The following SEC23A variants were observed in gnomAD, a reference collection of about 807,000 sequenced individuals.
SEC23A encodes the protein protein transport protein Sec23A.
In SEC23A, 56 loss-of-function variants were observed where a neutral mutation model predicts 103.7. That is an observed-to-expected ratio of 0.54 (90% CI 0.44 to 0.67). SEC23A has a LOEUF of 0.67. Ranked by LOEUF, SEC23A falls within the 30% of genes least tolerant of loss-of-function variation. The pLI is 0.00. For synonymous variants in SEC23A, 281 were observed against 293.0 expected (o/e 0.96, Z 0.42); for missense variants, 784 against 936.4 (o/e 0.84, Z 2.12).
intron 15 of SEC23A, chr14:39,047,298 G>T: frequency 1.3e-6 from 1 of 796,634 alleles, no homozygotes; most frequent in Non-Finnish European, 1.8e-6. Flanking sequence ...AAATACTTAG[G>T]CTAATGCCCT....
chr14:39,074,834 G>A (rs1385141761), intron 8 of SEC23A, among the ~76,000 whole-genome samples: 5 of 152,190 alleles, frequency 3.3e-5, no homozygotes, highest in South Asian at 2.1e-4. Flanking sequence ...CAGGCTGGGC[G>A]TGGTGGCTCA....
intron 18 of SEC23A, 142 bp downstream of exon 18, chr14:39,040,590 T>C (rs570637811): frequency 4.4e-5 from 45 of 1,030,802 alleles, no homozygotes; most frequent in Admixed American, 1.1e-4. Context: ...ATGCAAAAAG[T>C]AAGCACTGAT....
chr14:39,039,657 T>A (rs577147619), intron 18 of SEC23A: 1 of 153,666 alleles, frequency 6.5e-6, no homozygotes, highest in East Asian at 1.9e-4. Context: ...TTTTAACTCA[T>A]AATGGAAGCA....
chr14:39,100,416 C>CTT (rs11427769), intron 1 of SEC23A, among the ~76,000 whole-genome samples: 1,765 of 143,748 alleles, frequency 0.012, 21 homozygotes, highest in Non-Finnish European at 0.015. Context: ...GCCAACTTAA[C>CTT]TTTTTTTTTT....
intron 2 of SEC23A, among the ~76,000 whole-genome samples, chr14:39,094,633 G>A (rs570137092): frequency 6.6e-6 from 1 of 151,156 alleles, no homozygotes; most frequent in South Asian, 2.1e-4. Flanking sequence ...TGTTTAAGAG[G>A]GCTGCTTTAA....
Position 39,103,186 on chromosome 14 carries a change from C to T in SEC23A, c.-176G>A, listed in dbSNP as rs1376779042. ...GGGGTGGCGCCACCCCGCCCCGGGCCTCAGCGAAGACCTCCGCCCGGCCAA... is the reference window on the plus strand; with the variant it reads ...GGGGTGGCGCCACCCCGCCCCGGGCTTCAGCGAAGACCTCCGCCCGGCCAA... On this transcript the variant is annotated 5_prime_UTR_variant, in exon 1 of 20. Coordinates refer to ENST00000307712, the MANE Select transcript of SEC23A (RefSeq NM_006364.4). 6.6e-6 allele frequency: 1 copy of T among 152,446 alleles called. No homozygotes were observed. The highest frequency in any genetic ancestry group is 2.4e-5 in the African/African-American group (1 of 41,472). The allele number at this position is 152,446 out of a possible 1,614,324, so 9.4% of individuals were successfully genotyped here. A position where few individuals can be genotyped will look rare whatever the true frequency, so the allele number is the denominator to read the frequency against.
intron 2 of SEC23A, chr14:39,095,093 T>C (rs1161896507): frequency 1.5e-6 from 1 of 667,534 alleles, no homozygotes; most frequent in African/African-American, 1.8e-5. Context: ...CTGTGGTATC[T>C]TGAAGCAGGG....
intron 16 of SEC23A, among the ~76,000 whole-genome samples, chr14:39,044,584 C>T (rs939553046): frequency 1.3e-5 from 2 of 152,004 alleles, no homozygotes; most frequent in African/African-American, 4.8e-5. Context: ...TAAAACAGAC[C>T]ATTTTAACTA....
chr14:39,098,897 C>CAA (rs553534915), intron 1 of SEC23A, among the ~76,000 whole-genome samples: 5 of 131,392 alleles, frequency 3.8e-5, no homozygotes, highest in African/African-American at 1.4e-4. Context: ...TGTGCCATAA[C>CAA]AAAAAAAAAA....
At chr14:39,037,271 G>A (rs146417206) in intron 19 of SEC23A, among the ~76,000 whole-genome samples, 2,554 of 151,896 alleles carry the variant, frequency 0.017, 34 homozygotes, top group Non-Finnish European at 0.027. Flanking sequence ...GCTCAATAAG[G>A]CCTTCTAGAT....
chr14:39,071,850 C>T lies in SEC23A; in HGVS notation c.1103+2565G>A, dbSNP rs138418360. Among the ~76,000 whole-genome samples the T allele has an allele frequency of 1.0e-3, 158 of 151,280 alleles. 2 individuals are homozygous for T. Among genetic ancestry groups the T allele is most frequent in the Non-Finnish European group, 1.6e-3 (105 of 67,740 alleles). Reference sequence around the variant, plus strand: ...CTGCACTCCAGCCTGGGTGACAGAGCGACTCCGTCTCAAAATAAAAAAGAA... The same window carrying T: ...CTGCACTCCAGCCTGGGTGACAGAGTGACTCCGTCTCAAAATAAAAAAGAA... On this transcript the variant is annotated intron_variant, in intron 9 of 19. Transcript: ENST00000307712.
chr14:39,102,745 G>A (rs1156351566), intron 1 of SEC23A, among the ~76,000 whole-genome samples: 1 of 151,602 alleles, frequency 6.6e-6, no homozygotes, highest in Non-Finnish European at 1.5e-5. Context: ...GAGGTGGGTG[G>A]CCCAGGAGGT....
intron 1 of SEC23A, among the ~76,000 whole-genome samples, chr14:39,097,360 G>A (rs1409401482): frequency 1.3e-5 from 2 of 152,162 alleles, no homozygotes; most frequent in African/African-American, 4.8e-5. Flanking sequence ...GCAGCAGACA[G>A]GAAGGACGTC....
Position 39,061,873 on chromosome 14 carries a change from T to C in SEC23A, c.1399-2A>G. On this transcript the variant is annotated splice_acceptor_variant, in intron 12 of 19. Transcript: ENST00000307712. LOFTEE classifies it high-confidence loss of function. ...TCCTTGAGGAATTGGAGCATTATGCTGTATAAATATAATGGAGTAAAACCT... is the reference window on the plus strand; with the variant it reads ...TCCTTGAGGAATTGGAGCATTATGCCGTATAAATATAATGGAGTAAAACCT... 1.2e-6 allele frequency: 2 copies of C among 1,605,350 alleles called. No homozygotes were observed. The highest frequency in any genetic ancestry group is 8.5e-7 in the Non-Finnish European group (1 of 1,171,994).
chr14:39,102,433 G>A (rs1470324362), intron 1 of SEC23A, among the ~76,000 whole-genome samples: 1 of 152,202 alleles, frequency 6.6e-6, no homozygotes, highest in African/African-American at 2.4e-5. Flanking sequence ...CCACTTCAGT[G>A]ATTGATGTAG....
intron 9 of SEC23A, among the ~76,000 whole-genome samples, chr14:39,072,084 T>C (rs974956333): frequency 3.3e-5 from 5 of 151,366 alleles, no homozygotes; most frequent in African/African-American, 1.2e-4. Context: ...AAATACAAAA[T>C]AGTCGGGTGT....
intron 7 of SEC23A, among the ~76,000 whole-genome samples, chr14:39,076,669 T>TA (rs1199639957): frequency 1.3e-5 from 2 of 151,908 alleles, no homozygotes; most frequent in African/African-American, 4.8e-5. Flanking sequence ...CTCGCACTTG[T>TA]AATCCCAGCA....
chr14:39,089,340 A>T (rs902996761), intron 5 of SEC23A, among the ~76,000 whole-genome samples: 1 of 152,142 alleles, frequency 6.6e-6, no homozygotes, highest in Non-Finnish European at 1.5e-5. Context: ...AATTCTCATG[A>T]CTACACTATA....
At chr14:39,071,063 C>T (rs916029384) in intron 9 of SEC23A, among the ~76,000 whole-genome samples, 7 of 151,912 alleles carry the variant, frequency 4.6e-5, no homozygotes, top group Non-Finnish European at 7.4e-5. Flanking sequence ...CGACTTACCC[C>T]GAAGATCAAG....
Sources: allele counts gnomAD v4.1 joint callset (sites outside exome capture counted in the v4.1 genomes callset), GRCh38; gene constraint gnomAD v4.1.1; transcripts MANE v1.5; gene names NCBI Gene and HGNC (gene_info 2026-07-23, HGNC 2026-07-21).